The following C6 variants were observed in gnomAD, a reference collection of about 807,000 sequenced individuals.
C6 encodes complement C6.
Under a neutral mutation model 112.9 loss-of-function variants are expected in C6, and 101 were observed. The observed-to-expected ratio is 0.89, with a 90% CI of 0.76 to 1.06. The LOEUF (loss-of-function observed/expected upper bound fraction) is 1.06. C6 is among the 50% of genes least tolerant of loss of function. C6 has a pLI of 0.00. For synonymous variants in C6, 431 were observed against 384.1 expected, an observed-to-expected ratio of 1.12 and a Z score of -1.43; for missense variants, 1,202 against 1,104.6, an observed-to-expected ratio of 1.09 and a Z score of -1.25.
At chr5:41,187,416 A>T (rs1001986513) in intron 5 of C6, among the ~76,000 whole-genome samples, 7 of 152,170 alleles carry the variant, frequency 4.6e-5, no homozygotes, top group African/African-American at 1.7e-4. Context: ...GATCTGAAAA[A>T]AAGACAAATA....
At chr5:41,157,642 C>G (rs912727149) in intron 13 of C6, among the ~76,000 whole-genome samples, 3 of 152,038 alleles carry the variant, frequency 2.0e-5, no homozygotes, top group African/African-American at 7.2e-5. Context: ...AATTTGTTCC[C>G]AAAGTGTGGC....
intron 5 of C6, among the ~76,000 whole-genome samples, chr5:41,193,534 T>C (rs546561496): frequency 6.6e-6 from 1 of 152,320 alleles, no homozygotes; most frequent in African/African-American, 2.4e-5. Context: ...TGTATGCATG[T>C]ATTTTCACAT....
At chr5:41,154,072 C>A (rs765856383) in intron 14 of C6, 74 bp from the exon 15 acceptor site, 12 of 1,302,294 alleles carry the variant, frequency 9.2e-6, no homozygotes, top group African/African-American at 1.5e-5. Context: ...TTTTGTGCAA[C>A]CAAAGAGGTG....
intron 1 of C6, among the ~76,000 whole-genome samples, chr5:41,221,787 CA>C (rs1431938470): frequency 6.6e-6 from 1 of 151,886 alleles, no homozygotes; most frequent in African/African-American, 2.4e-5. Context: ...GTGAGGAAAA[CA>C]AAAAAGTATC....
chr5:41,181,973 G>C (rs570508529), intron 6 of C6, among the ~76,000 whole-genome samples: 32 of 152,294 alleles, frequency 2.1e-4, no homozygotes, highest in Middle Eastern at 3.4e-3. Flanking sequence ...AACTGGGCTT[G>C]TTCTTTATAA....
chr5:41,206,770 A>G lies in C6; in HGVS notation c.-20-3520T>C, dbSNP rs532532042. Among the ~76,000 whole-genome samples the G allele has an allele frequency of 9.6e-4, 146 of 152,338 alleles. 2 individuals carry two copies. The South Asian group carries it at 0.029, about 31-fold the overall frequency. ...TCTGATTGGTGTACCTGAAAGTGACAGGGCGAGTGGAACCGAGTTGGAAAA... is the reference window on the plus strand; with the variant it reads ...TCTGATTGGTGTACCTGAAAGTGACGGGGCGAGTGGAACCGAGTTGGAAAA... On this transcript the variant is annotated intron_variant, in intron 1 of 17. Transcript: ENST00000337836.
intron 7 of C6, 42 bp downstream of exon 7, chr5:41,181,317 A>G: frequency 6.4e-7 from 1 of 1,552,884 alleles, no homozygotes; most frequent in Non-Finnish European, 8.9e-7. Flanking sequence ...ATTACTGTTA[A>G]TTTTCAAGAA....
intron 1 of C6, among the ~76,000 whole-genome samples, chr5:41,219,328 T>C (rs1347069758): frequency 1.3e-5 from 2 of 152,150 alleles, no homozygotes; most frequent in Non-Finnish European, 2.9e-5. Context: ...TAGATTTGTC[T>C]GTAGGATGGA....
chr5:41,204,663 T>C (rs1034167572), intron 1 of C6, among the ~76,000 whole-genome samples: 1 of 147,828 alleles, frequency 6.8e-6, no homozygotes, highest in African/African-American at 2.6e-5. Flanking sequence ...AGTAAGCTTT[T>C]TTTTTTCTTT....
chr5:41,246,300 G>A (rs1741017827), intron 1 of C6, among the ~76,000 whole-genome samples: 1 of 152,092 alleles, frequency 6.6e-6, no homozygotes, highest in Non-Finnish European at 1.5e-5. Flanking sequence ...ATGCCTCCAG[G>A]TTAAAAGCTG....
chr5:41,192,479 A>T (rs1400766668), intron 5 of C6, among the ~76,000 whole-genome samples: 1 of 152,200 alleles, frequency 6.6e-6, no homozygotes, highest in South Asian at 2.1e-4. Context: ...AAAGTTTGGT[A>T]GAATTCAGCA....
chr5:41,161,773 C>G lies in C6; in HGVS notation c.1378G>C (p.Gly460Arg), dbSNP rs191044606. The G allele has an allele frequency of 1.1e-5, 17 of 1,613,718 alleles. No homozygotes were observed. The highest frequency in any genetic ancestry group is 3.3e-4 in the Middle Eastern group (2 of 6,058). ...GTCTTCTCCTCCAGACCAGAGCTCCCTTTCTCCCATGCCAAAGCTGCTCCA... is the reference window on the plus strand; with the variant it reads ...GTCTTCTCCTCCAGACCAGAGCTCCGTTTCTCCCATGCCAAAGCTGCTCCA... ...EYGAALAWEK[G>R]SSGLEEKTFS... The change falls in exon 10 of 18, where the codon GGG becomes CGG. Residue 460 changes from glycine to arginine, a missense_variant. By Grantham distance (125) the Gly-to-Arg change is moderately radical. Coordinates refer to ENST00000337836, the MANE Select transcript of C6 (RefSeq NM_000065.5).
At chr5:41,145,768 A>G (rs1405323923) in intron 17 of C6, among the ~76,000 whole-genome samples, 1 of 152,180 alleles carries the variant, frequency 6.6e-6, no homozygotes, top group African/African-American at 2.4e-5. Flanking sequence ...CCATTGATGG[A>G]AGGGATGGAG....
chr5:41,203,616 C>T (rs1421777356), intron 1 of C6: 3 of 222,180 alleles, frequency 1.4e-5, no homozygotes, highest in Non-Finnish European at 2.8e-5. Context: ...TGAGCAATAG[C>T]CTCAAGTACA....
At chr5:41,204,938 G>A (rs909952917) in intron 1 of C6, among the ~76,000 whole-genome samples, 5 of 151,898 alleles carry the variant, frequency 3.3e-5, no homozygotes, top group Admixed American at 2.6e-4. Flanking sequence ...CAAAGTGCTG[G>A]GATTATCAGT....
intron 15 of C6, among the ~76,000 whole-genome samples, chr5:41,150,811 C>T (rs1384043324): frequency 4.0e-5 from 6 of 151,186 alleles, no homozygotes; most frequent in Non-Finnish European, 5.9e-5. Context: ...CACTTGAACC[C>T]GGGAGGCAGA....
intron 9 of C6, among the ~76,000 whole-genome samples, chr5:41,166,778 T>C (rs1195060800): frequency 6.6e-6 from 1 of 152,122 alleles, no homozygotes; most frequent in African/African-American, 2.4e-5. Context: ...AGGTAAGACT[T>C]CTTGGACTGT....
At chr5:41,220,769 A>T (rs967684635) in intron 1 of C6, among the ~76,000 whole-genome samples, 1 of 152,070 alleles carries the variant, frequency 6.6e-6, no homozygotes, top group Non-Finnish European at 1.5e-5. Flanking sequence ...ATATTGTGTA[A>T]TATTGAGGTT....
intron 1 of C6, among the ~76,000 whole-genome samples, chr5:41,205,009 C>G (rs1751323880): frequency 6.6e-6 from 1 of 152,118 alleles, no homozygotes; most frequent in Non-Finnish European, 1.5e-5. Flanking sequence ...TAACCAAATC[C>G]ATTGACGTAT....
Sources: allele counts gnomAD v4.1 joint callset (sites outside exome capture counted in the v4.1 genomes callset), GRCh38; gene constraint gnomAD v4.1.1; transcripts MANE v1.5; gene names NCBI Gene and HGNC (gene_info 2026-07-23, HGNC 2026-07-21).